ARB2A: variants seen among roughly 807,000 people sequenced by gnomAD.
ARB2A encodes cotranscriptional regulator ARB2A.
chr5:93,979,574 C>T, the ARB2A span, among the ~76,000 whole-genome samples: 1 of 151,854 alleles, frequency 6.6e-6, no homozygotes, highest in Non-Finnish European at 1.5e-5. Context: ...GATATTTTTA[C>T]AAAAAAACCC....
chr5:93,789,325 C>T, the ARB2A span, among the ~76,000 whole-genome samples: 8 of 152,024 alleles, frequency 5.3e-5, no homozygotes, highest in Admixed American at 1.3e-4. Flanking sequence ...TCATTACTAC[C>T]GTATGAGCAT....
chr5:94,101,998 C>T, the ARB2A span, among the ~76,000 whole-genome samples: 2 of 151,604 alleles, frequency 1.3e-5, no homozygotes, highest in Non-Finnish European at 2.9e-5. Flanking sequence ...AAAGCCCTCC[C>T]CGTCATAGTG....
chr5:93,654,709 T>C, the ARB2A span, among the ~76,000 whole-genome samples: 1 of 152,200 alleles, frequency 6.6e-6, no homozygotes, highest in Non-Finnish European at 1.5e-5. Flanking sequence ...CCCTCCTTGT[T>C]ACCTGCAAAA....
At chr5:93,626,117 T>C in the ARB2A span, among the ~76,000 whole-genome samples, 16 of 152,372 alleles carry the variant, frequency 1.1e-4, no homozygotes, top group African/African-American at 3.8e-4. Context: ...AAGCTATATG[T>C]CATTTTATGC....
chr5:94,006,475 A>C, the ARB2A span, among the ~76,000 whole-genome samples: 1 of 152,180 alleles, frequency 6.6e-6, no homozygotes, highest in Non-Finnish European at 1.5e-5. Flanking sequence ...CAATTTCAAC[A>C]TTCTGGATAT....
chr5:93,681,015 A>G, the ARB2A span, among the ~76,000 whole-genome samples: 5 of 152,186 alleles, frequency 3.3e-5, no homozygotes, highest in Non-Finnish European at 7.4e-5. Context: ...TTATCTGCAA[A>G]TAAGTTTGTG....
At chr5:93,774,810 G>A in the ARB2A span, among the ~76,000 whole-genome samples, 1 of 152,094 alleles carries the variant, frequency 6.6e-6, no homozygotes, top group Admixed American at 6.6e-5. Flanking sequence ...ATTAAATAAG[G>A]TGTCATTAAA....
chr5:93,873,301 AGG>A, the ARB2A span, among the ~76,000 whole-genome samples: 41 of 97,164 alleles, frequency 4.2e-4, 4 homozygotes, highest in African/African-American at 1.5e-3. Context: ...CAAAAAAAAA[AGG>A]GGGGGGGGAA....
the ARB2A span, among the ~76,000 whole-genome samples, chr5:94,098,731 C>T: frequency 6.6e-6 from 1 of 151,982 alleles, no homozygotes; most frequent in Non-Finnish European, 1.5e-5. Flanking sequence ...AGGCCACTAG[C>T]TAGGCTAATT....
chr5:93,619,034 T>C, the ARB2A span: 1 of 152,202 alleles, frequency 6.6e-6, no homozygotes, highest in African/African-American at 2.4e-5. Flanking sequence ...CAACACAATT[T>C]ATAATACCTT....
At chr5:93,709,632 C>CAAAAAAAAAAAAAAAAAAAAACATAA in the ARB2A span, among the ~76,000 whole-genome samples, 1 of 41,698 alleles carries the variant, frequency 2.4e-5, no homozygotes, top group African/African-American at 7.4e-5. Context: ...GACTCTGTCA[C>CAAAAAAAAAAAAAAAAAAAAACATAA]AAAAAAAAAA....
the ARB2A span, among the ~76,000 whole-genome samples, chr5:93,857,442 T>C: frequency 6.6e-6 from 1 of 152,172 alleles, no homozygotes; most frequent in Non-Finnish European, 1.5e-5. Context: ...CTCCACCCAG[T>C]TCGAGCTTCC....
chr5:93,977,328 A>C, the ARB2A span, among the ~76,000 whole-genome samples: 1 of 152,094 alleles, frequency 6.6e-6, no homozygotes, highest in Non-Finnish European at 1.5e-5. Flanking sequence ...AATAAAATAA[A>C]ATCAAGCTGG....
At chr5:93,979,799 TTTTC>T in the ARB2A span, among the ~76,000 whole-genome samples, 1 of 152,052 alleles carries the variant, frequency 6.6e-6, no homozygotes, top group Non-Finnish European at 1.5e-5. Context: ...ATAGGTTAAG[TTTTC>T]TTTATTTCTC....
chr5:94,089,396 C>T, the ARB2A span, among the ~76,000 whole-genome samples: 1 of 151,958 alleles, frequency 6.6e-6, no homozygotes, highest in Admixed American at 6.6e-5. Context: ...ATTTTTGTTC[C>T]TTTGAAATAT....
the ARB2A span, among the ~76,000 whole-genome samples, chr5:93,699,114 A>T: frequency 6.6e-6 from 1 of 152,202 alleles, no homozygotes; most frequent in Non-Finnish European, 1.5e-5. Context: ...CAGGTGAAGG[A>T]ATGGAAGTAC....
chr5:94,004,998 C>CAAAAAAAAAAAAAAAAAAA, the ARB2A span, among the ~76,000 whole-genome samples: 4 of 12,552 alleles, frequency 3.2e-4, no homozygotes, highest in Non-Finnish European at 6.5e-4. Flanking sequence ...ATTTTATCAG[C>CAAAAAAAAAAAAAAAAAAA]AAAAAAAAAA....
At chr5:93,983,509 A>G in the ARB2A span, among the ~76,000 whole-genome samples, 1 of 152,128 alleles carries the variant, frequency 6.6e-6, no homozygotes, top group Non-Finnish European at 1.5e-5. Flanking sequence ...GTCCATAATG[A>G]TATAAATAAA....
the ARB2A span, among the ~76,000 whole-genome samples, chr5:93,811,187 A>C: frequency 6.6e-6 from 1 of 152,120 alleles, no homozygotes; most frequent in Non-Finnish European, 1.5e-5. Flanking sequence ...TGAAGCATGG[A>C]ATGAGCCACA....
Sources: gnomAD v4.1 joint callset for allele counts (sites outside exome capture counted in the v4.1 genomes callset) on GRCh38, gnomAD v4.1.1 for gene constraint, MANE v1.5 for transcripts, NCBI Gene and HGNC (gene_info 2026-07-23, HGNC 2026-07-21) for gene names.